Variants in TRABD2B observed in about 807,000 individuals in gnomAD.
TRABD2B encodes metalloprotease TIKI2.
Under a neutral mutation model 40.1 loss-of-function variants are expected in TRABD2B, and 14 were observed. The observed-to-expected ratio is 0.35, with a 90% confidence interval of 0.23 to 0.55. The LOEUF (loss-of-function observed/expected upper bound fraction) is 0.55, where lower values mean the gene tolerates loss of function less well. Ranked by LOEUF, TRABD2B falls within the 20% of genes least tolerant of loss-of-function variation. The pLI, the probability that TRABD2B is intolerant of heterozygous loss-of-function variation, is 0.90. For synonymous variants in TRABD2B, 263 were observed against 277.0 expected (o/e 0.95, Z 0.50); for missense variants, 541 against 648.6 (o/e 0.83, Z 1.80).
intron 2 of TRABD2B, among the ~76,000 whole-genome samples, chr1:47,872,642 G>A (rs192508770): frequency 1.8e-3 from 274 of 152,314 alleles, no homozygotes; most frequent in African/African-American, 6.0e-3. Context: ...GGCCAAGGAA[G>A]AGTCAGAGAA....
At chr1:47,939,989 T>G (rs934728006) in intron 2 of TRABD2B, among the ~76,000 whole-genome samples, 3 of 152,192 alleles carry the variant, frequency 2.0e-5, no homozygotes, top group Non-Finnish European at 4.4e-5. Flanking sequence ...GGAAACACTC[T>G]ATCATGGAAG....
intron 2 of TRABD2B, among the ~76,000 whole-genome samples, chr1:47,932,906 T>C (rs1033082293): frequency 2.0e-5 from 3 of 152,216 alleles, no homozygotes; most frequent in African/African-American, 7.2e-5. Context: ...CAGCAGTTGA[T>C]ACTGGGGTTC....
At chr1:47,995,723 G>C (rs1646080437) in intron 1 of TRABD2B, among the ~76,000 whole-genome samples, 4 of 152,164 alleles carry the variant, frequency 2.6e-5, no homozygotes, top group Admixed American at 2.0e-4. Flanking sequence ...GTATGTGTTG[G>C]GATGGGTGGG....
chr1:47,948,277 G>A (rs1645287967), intron 2 of TRABD2B, among the ~76,000 whole-genome samples: 1 of 150,300 alleles, frequency 6.7e-6, no homozygotes. Flanking sequence ...GTCCTTTAGG[G>A]GGAGCAGACA....
At chr1:47,955,944 T>C (rs1645414672) in intron 2 of TRABD2B, among the ~76,000 whole-genome samples, 1 of 152,216 alleles carries the variant, frequency 6.6e-6, no homozygotes, top group African/African-American at 2.4e-5. Context: ...CTCAGTCTCC[T>C]TGCTTGGCAC....
intron 2 of TRABD2B, among the ~76,000 whole-genome samples, chr1:47,915,223 A>G (rs1328137362): frequency 6.6e-6 from 1 of 152,186 alleles, no homozygotes; most frequent in African/African-American, 2.4e-5. Flanking sequence ...AGGGAGGTGC[A>G]AGAGAGGGGT....
At chr1:47,805,126 G>A (rs1412156950) in intron 2 of TRABD2B, among the ~76,000 whole-genome samples, 2 of 152,154 alleles carry the variant, frequency 1.3e-5, no homozygotes, top group Non-Finnish European at 2.9e-5. Context: ...ACAATGAGCT[G>A]TGGGCAGAGT....
At chr1:47,791,538 C>T (rs1350464809) in intron 4 of TRABD2B, among the ~76,000 whole-genome samples, 1 of 152,156 alleles carries the variant, frequency 6.6e-6, no homozygotes, top group African/African-American at 2.4e-5. Context: ...ACCTGGCAGG[C>T]AATGGGCTGC....
At chr1:47,841,473 C>T (rs1645396251) in intron 2 of TRABD2B, among the ~76,000 whole-genome samples, 1 of 152,240 alleles carries the variant, frequency 6.6e-6, no homozygotes, top group African/African-American at 2.4e-5. Flanking sequence ...TCTTCTTTCA[C>T]TCACTCTTTC....
chr1:47,972,291 G>A (rs1272888351), intron 2 of TRABD2B, among the ~76,000 whole-genome samples: 2 of 152,194 alleles, frequency 1.3e-5, no homozygotes, highest in East Asian at 3.8e-4. Context: ...CCTCCAGGCA[G>A]CAGTATCCAC....
At chr1:47,810,144 G>GTGT (rs1364076454) in intron 2 of TRABD2B, among the ~76,000 whole-genome samples, 5 of 128,478 alleles carry the variant, frequency 3.9e-5, no homozygotes, top group Non-Finnish European at 6.7e-5. Context: ...TAGGGTGTGT[G>GTGT]TGTGTGTGTG....
chr1:47,977,627 G>A (rs1180636132), intron 2 of TRABD2B, among the ~76,000 whole-genome samples: 9 of 150,562 alleles, frequency 6.0e-5, no homozygotes, highest in Admixed American at 2.0e-4. Context: ...CCAAATCTCT[G>A]ACTGTCTAGC....
At chr1:47,965,508 C>T (rs1419258748) in intron 2 of TRABD2B, among the ~76,000 whole-genome samples, 1 of 152,070 alleles carries the variant, frequency 6.6e-6, no homozygotes, top group Non-Finnish European at 1.5e-5. Flanking sequence ...ATCTGACTGC[C>T]CCTTCCCTCC....
intron 2 of TRABD2B, among the ~76,000 whole-genome samples, chr1:47,928,102 T>C (rs1644993746): frequency 6.6e-6 from 1 of 152,188 alleles, no homozygotes; most frequent in Non-Finnish European, 1.5e-5. Flanking sequence ...ATTGTTCTAG[T>C]CCATGGAACG....
chr1:47,861,832 A>AT (rs939082508), intron 2 of TRABD2B, among the ~76,000 whole-genome samples: 43 of 152,230 alleles, frequency 2.8e-4, no homozygotes, highest in African/African-American at 1.0e-3. Flanking sequence ...ACAGACCAAT[A>AT]TTTTTCATGA....
chr1:47,995,891 C>T (rs1174502885), intron 1 of TRABD2B, among the ~76,000 whole-genome samples: 6 of 152,220 alleles, frequency 3.9e-5, no homozygotes, highest in Non-Finnish European at 8.8e-5. Context: ...GAATTCCGGG[C>T]TAACAGGCAG....
At chr1:47,841,779 T>A (rs1057050142) in intron 2 of TRABD2B, among the ~76,000 whole-genome samples, 4 of 135,764 alleles carry the variant, frequency 2.9e-5, no homozygotes, top group Middle Eastern at 3.8e-3. Context: ...CCTTTTCTTT[T>A]CTTTTTCTTT....
intron 2 of TRABD2B, among the ~76,000 whole-genome samples, chr1:47,910,600 T>C (rs1429916546): frequency 6.6e-6 from 1 of 152,134 alleles, no homozygotes; most frequent in Non-Finnish European, 1.5e-5. Context: ...CCCTCCCCCA[T>C]GGGAGTCCAG....
chr1:47,877,803 G>A (rs1369888566), intron 2 of TRABD2B, among the ~76,000 whole-genome samples: 1 of 151,938 alleles, frequency 6.6e-6, no homozygotes, highest in African/African-American at 2.4e-5. Flanking sequence ...TCAAGACCAG[G>A]CTAACATGTT....
Sources: gnomAD v4.1 joint callset for allele counts (sites outside exome capture counted in the v4.1 genomes callset) on GRCh38, gnomAD v4.1.1 for gene constraint, MANE v1.5 for transcripts, NCBI Gene and HGNC (gene_info 2026-07-23, HGNC 2026-07-21) for gene names.